RRM2: variants seen among roughly 807,000 people sequenced by gnomAD.
RRM2 encodes the protein ribonucleoside-diphosphate reductase subunit M2.
A neutral mutation model predicts 45.9 loss-of-function variants in RRM2; 6 were observed. The ratio of observed to expected loss-of-function variants is 0.13; its 90% CI spans 0.07 to 0.26. RRM2 has a LOEUF of 0.26. RRM2 is among the 10% of genes least tolerant of loss of function. The probability of loss-of-function intolerance (pLI) is 1.00; values close to 1 mark genes in which losing one functional copy is unlikely to be tolerated. For synonymous variants in RRM2, 177 were observed against 173.0 expected (o/e 1.02, Z -0.18); for missense variants, 343 against 489.5 (o/e 0.70, Z 2.82).
intron 3 of RRM2, among the ~76,000 whole-genome samples, chr2:10,180,237 G>A (rs1572520915): frequency 6.6e-6 from 1 of 152,188 alleles, no homozygotes; most frequent in Non-Finnish European, 1.5e-5. Flanking sequence ...TTCGTCCTGG[G>A]GGAAGCTGGC....
chr2:10,209,594 CGCGCGTGTGTGT>C (rs1664722505), intron 3 of RRM2, among the ~76,000 whole-genome samples: 1 of 133,880 alleles, frequency 7.5e-6, no homozygotes, highest in Non-Finnish European at 1.6e-5. Context: ...TGTGTGTGCG[CGCGCGTGTGTGT>C]GCGTGCATGC....
intron 3 of RRM2, among the ~76,000 whole-genome samples, chr2:10,167,634 T>C (rs1407178201): frequency 6.6e-6 from 1 of 152,174 alleles, no homozygotes; most frequent in Non-Finnish European, 1.5e-5. Context: ...TGGCTCTTCC[T>C]CCTTGTGTCT....
chr2:10,164,017 T>C (rs908176450), intron 3 of RRM2, among the ~76,000 whole-genome samples: 7 of 151,974 alleles, frequency 4.6e-5, no homozygotes, highest in Non-Finnish European at 8.8e-5. Context: ...TGCGTGTGTG[T>C]GTGTGTGTGC....
chr2:10,190,982 A>G (rs1664292744), intron 3 of RRM2, among the ~76,000 whole-genome samples: 1 of 152,114 alleles, frequency 6.6e-6, no homozygotes, highest in Admixed American at 6.5e-5. Flanking sequence ...CCCACCTGTG[A>G]CCTGTGGATG....
chr2:10,163,122 T>A lies in RRM2; in HGVS notation n.482+20747T>A, dbSNP rs1233833067. Among the ~76,000 whole-genome samples, 3 of 152,236 alleles carry A rather than the reference T, an allele frequency of 2.0e-5. No homozygotes were observed. The East Asian group carries it at 5.8e-4, about 29-fold the overall frequency. ...AAGAGGCTCTGCTTCCTTGCTGATT[T>A]GATTTTTTCAGAACTGGAGTGTGAA... On this transcript the variant is annotated intron_variant and non_coding_transcript_variant, in intron 3 of 3. Transcript: ENST00000381786.
At chr2:10,206,703 T>C (rs189188138) in intron 3 of RRM2, among the ~76,000 whole-genome samples, 3 of 152,298 alleles carry the variant, frequency 2.0e-5, no homozygotes, top group African/African-American at 7.2e-5. Context: ...GAAATCCATA[T>C]TTAGATCCAT....
upstream of RRM2, among the ~76,000 whole-genome samples, chr2:10,140,463 A>T (rs778918421): frequency 6.6e-6 from 1 of 152,138 alleles, no homozygotes; most frequent in Non-Finnish European, 1.5e-5. Context: ...ATGAGCTCTG[A>T]GTAAGGCCTG....
chr2:10,141,605 G>A (rs1425588889), exon 1 of RRM2: 1 of 524,628 alleles, frequency 1.9e-6, no homozygotes, highest in East Asian at 3.4e-5. Context: ...AGTCAAGAAT[G>A]CATGTGCTTA....
intron 3 of RRM2, among the ~76,000 whole-genome samples, chr2:10,184,789 T>C (rs545581168): frequency 6.6e-6 from 1 of 152,354 alleles, no homozygotes; most frequent in Non-Finnish European, 1.5e-5. Flanking sequence ...AGGAGCTCCA[T>C]GAACATCTCA....
intron 3 of RRM2, among the ~76,000 whole-genome samples, chr2:10,157,016 C>CTT (rs71391198): frequency 0.014 from 1,178 of 85,904 alleles, 137 homozygotes; most frequent in African/African-American, 0.036. Flanking sequence ...CAGCCCATTT[C>CTT]TTTTTTTTTT....
At chr2:10,200,710 G>A (rs1372430405) in intron 3 of RRM2, among the ~76,000 whole-genome samples, 2 of 139,360 alleles carry the variant, frequency 1.4e-5, no homozygotes, top group Non-Finnish European at 3.3e-5. Context: ...CACGGGGACC[G>A]CGCACACAAA....
chr2:10,176,871 G>A (rs1663925334), intron 3 of RRM2, among the ~76,000 whole-genome samples: 1 of 152,110 alleles, frequency 6.6e-6, no homozygotes, highest in Admixed American at 6.5e-5. Context: ...GGGTATATTT[G>A]GGAATGGAAT....
intron 3 of RRM2, among the ~76,000 whole-genome samples, chr2:10,209,777 C>A (rs1284247900): frequency 6.6e-6 from 1 of 152,226 alleles, no homozygotes; most frequent in Non-Finnish European, 1.5e-5. Flanking sequence ...GAGACGGATA[C>A]AATCTGGGCT....
intron 3 of RRM2, among the ~76,000 whole-genome samples, chr2:10,148,328 G>A (rs992691712): frequency 6.6e-6 from 1 of 151,686 alleles, no homozygotes; most frequent in Non-Finnish European, 1.5e-5. Flanking sequence ...CAGTTCTCTT[G>A]CTGAAGTTTT....
Position 10,205,657 on chromosome 2 carries a change from C to T in RRM2, n.483-4654C>T, listed in dbSNP as rs1441418163. ...AGATGCTGGATGGAAAACAAACACA[C>T]AGTTTGAGAGGGTCCTTTTTATTTT... On this transcript the variant is annotated intron_variant and non_coding_transcript_variant, in intron 3 of 3. Coordinates refer to the RRM2 transcript ENST00000381786. This position sits in a 1 kb window ranked among gnomAD's most constrained non-coding sequence, Gnocchi z 4.8. 1.3e-5 allele frequency among the ~76,000 whole-genome samples: 2 copies of T among 152,204 alleles called. No individual in the cohort carries two copies. The highest frequency in any genetic ancestry group is 2.4e-5 in the African/African-American group (1 of 41,536).
intron 3 of RRM2, among the ~76,000 whole-genome samples, chr2:10,209,053 CTTTCTT>C (rs1664712002): frequency 1.4e-5 from 2 of 145,286 alleles, no homozygotes; most frequent in Non-Finnish European, 1.5e-5. Flanking sequence ...TTCTTTCTTT[CTTTCTT>C]TTTTTTTTTT....
Position 10,130,365 on chromosome 2 carries a change from C to T in RRM2, c.*979C>T, listed in dbSNP as rs969421525. 4 of 152,114 alleles carry T rather than the reference C, an allele frequency of 2.6e-5. No individual in the cohort carries two copies. Among genetic ancestry groups the T allele is most frequent in the Non-Finnish European group, 1.5e-5 (1 of 68,024 alleles). The allele number at this position is 152,114 out of a possible 1,614,324, so 9.4% of individuals were successfully genotyped here. A position where few individuals can be genotyped will look rare whatever the true frequency, so the allele number is the denominator to read the frequency against. ...TGGTGAAATCAACTAGAGGTGGTTC[C>T]TACAAGTTGTTCATTCTAGTTTTGT... On this transcript the variant is annotated 3_prime_UTR_variant, in exon 10 of 10. Coordinates refer to ENST00000304567, the MANE Select transcript of RRM2 (RefSeq NM_001034.4).
At chr2:10,174,051 T>C (rs1663863338) in intron 3 of RRM2, among the ~76,000 whole-genome samples, 3 of 152,264 alleles carry the variant, frequency 2.0e-5, no homozygotes, top group South Asian at 4.1e-4. Context: ...GCAGTAATTA[T>C]GGTTAAATGA....
intron 3 of RRM2, among the ~76,000 whole-genome samples, chr2:10,168,781 C>T (rs988179143): frequency 6.6e-6 from 1 of 152,134 alleles, no homozygotes; most frequent in African/African-American, 2.4e-5. Flanking sequence ...CACCCACCAA[C>T]CTGATCACCC....
Sources: gnomAD v4.1 joint callset for allele counts (sites outside exome capture counted in the v4.1 genomes callset) on GRCh38, gnomAD v4.1.1 for gene constraint, Gnocchi (gnomAD v3.1) non-coding constraint, MANE v1.5 for transcripts, NCBI Gene and HGNC (gene_info 2026-07-23, HGNC 2026-07-21) for gene names.